TM4SF18: variants seen among roughly 807,000 people sequenced by gnomAD.
TM4SF18 encodes transmembrane 4 L6 family member 18.
A neutral mutation model predicts 23.8 loss-of-function variants in TM4SF18; 22 were observed. The ratio of observed to expected loss-of-function variants is 0.92; its 90% CI spans 0.66 to 1.32. TM4SF18 has a LOEUF of 1.32. TM4SF18 is among the 40% of genes most tolerant of loss of function. TM4SF18 has a pLI of 0.00. For synonymous variants in TM4SF18, 87 were observed against 87.9 expected (o/e 0.99, Z 0.06); for missense variants, 255 against 240.3 (o/e 1.06, Z -0.41).
chr3:149,322,099 T>G (rs1730819622), intron 5 of TM4SF18, among the ~76,000 whole-genome samples, 157 bp downstream of exon 5: 1 of 152,080 alleles, frequency 6.6e-6, no homozygotes, highest in African/African-American at 2.4e-5. Flanking sequence ...CATTGGGATA[T>G]CAGAAAAAAT....
rs1161807266 is a variant in TM4SF18 at position 149,333,531 on chromosome 3, C to T, written c.-36G>A. ...TACCTACCACTTCCAGGGTCAGAGCCCTTCACTTCATATTCATGAGGAGAC... is the reference window on the plus strand; with the variant it reads ...TACCTACCACTTCCAGGGTCAGAGCTCTTCACTTCATATTCATGAGGAGAC... On this transcript the variant is annotated 5_prime_UTR_variant, in exon 1 of 6. Transcript: ENST00000296059. 5.6e-6 allele frequency: 3 copies of T among 531,018 alleles called. No individual in the cohort carries two copies. Among genetic ancestry groups the T allele is most frequent in the Non-Finnish European group, 9.0e-6 (3 of 333,552 alleles). The allele number at this position is 531,018 out of a possible 1,614,324, so 32.9% of individuals were successfully genotyped here.
chr3:149,327,815 G>A (rs778301160), intron 3 of TM4SF18, among the ~76,000 whole-genome samples: 1 of 152,048 alleles, frequency 6.6e-6, no homozygotes, highest in Non-Finnish European at 1.5e-5. Context: ...TTCATTGGGG[G>A]AAACTGGCAG....
Position 149,322,289 on chromosome 3 carries a change from C to G in TM4SF18, c.558G>C (p.Lys186Asn), listed in dbSNP as rs756774004. 1 of 1,613,940 alleles carries G rather than the reference C, an allele frequency of 6.2e-7. No individual in the cohort carries two copies. The highest frequency in any genetic ancestry group is 8.5e-7 in the Non-Finnish European group (1 of 1,179,934). Residue 186 changes from lysine (K) to asparagine (N), a missense_variant, in exon 5 of 6, where the codon AAG becomes AAC. Physicochemically the swap from Lys to Asn is moderately conservative, Grantham distance 94 (BLOSUM62 0). Coordinates refer to ENST00000296059, the MANE Select transcript of TM4SF18 (RefSeq NM_138786.4). ...CLIRVVMQLSKILCGSYSVIF... is the reference protein window; with the variant it reads ...CLIRVVMQLSNILCGSYSVIF... ...TCACTGAATAGCTTCCACACAGTAT[C>G]TTGGATAGTTGCATGACTACTCTGA... is the stretch of plus-strand genomic sequence containing the variant.
In TM4SF18 at chr3:149,327,188, G is replaced by A. The variant is rs186815049; in HGVS notation, c.268-2166C>T. On this transcript the variant is annotated intron_variant, in intron 3 of 5. Coordinates refer to ENST00000296059, the MANE Select transcript of TM4SF18 (RefSeq NM_138786.4). ...TGCTCTCAAACTCCTGACCTCAGGG[G>A]ATCCACCTGCCTTGGCCTCCCAAAG... Among the ~76,000 whole-genome samples, 164 of 152,318 alleles carry A rather than the reference G, an allele frequency of 1.1e-3. 1 individual carries two copies. The highest frequency in any genetic ancestry group is 3.6e-3 in the African/African-American group (149 of 41,566).
intron 4 of TM4SF18, 96 bp from the exon 5 acceptor site, chr3:149,322,532 A>G (rs1730832909): frequency 1.0e-6 from 1 of 1,000,950 alleles, no homozygotes; most frequent in African/African-American, 1.6e-5. Flanking sequence ...ACTAAAATAT[A>G]TAGTTATTAG....
At chr3:149,325,123 A>G (rs2291602) in intron 3 of TM4SF18, 101 bp from the exon 4 acceptor site, 139,380 of 1,176,346 alleles carry the variant, frequency 0.12, 8,912 homozygotes, top group African/African-American at 0.19. Flanking sequence ...ACCCAAGCTC[A>G]TGCAGTCTAT....
intron 4 of TM4SF18, among the ~76,000 whole-genome samples, chr3:149,322,866 G>A (rs957423593): frequency 6.6e-6 from 1 of 150,548 alleles, no homozygotes. Context: ...TGGGTCTGCA[G>A]GATGTTGAGC....
chr3:149,333,115 A>C, intron 2 of TM4SF18, 91 bp downstream of exon 2: 1 of 1,251,984 alleles, frequency 8.0e-7, no homozygotes, highest in Non-Finnish European at 1.1e-6. Context: ...TAGCAGAATG[A>C]TTTTTCCATT....
chr3:149,323,172 A>G (rs1426780307), intron 4 of TM4SF18, among the ~76,000 whole-genome samples: 1 of 152,070 alleles, frequency 6.6e-6, no homozygotes, highest in Non-Finnish European at 1.5e-5. Flanking sequence ...TGCTGGGATT[A>G]CAGGCATGAG....
At chr3:149,333,055 A>AT in intron 2 of TM4SF18, 151 bp downstream of exon 2, 1 of 728,936 alleles carries the variant, frequency 1.4e-6, no homozygotes, top group Non-Finnish European at 2.2e-6. Context: ...ATGCCAGCAG[A>AT]TTACCTGCCC....
In TM4SF18 at chr3:149,320,970, G is replaced by C. The variant is rs957121341; in HGVS notation, c.*508C>G. The stretch of plus-strand genomic sequence containing the variant: ...AACATGAATTTGTAACCTGCTTTTT[G>C]ATGTAGCATTATTCATAATTTTAAA... On this transcript the variant is annotated 3_prime_UTR_variant, in exon 6 of 6. Coordinates refer to ENST00000296059, the MANE Select transcript of TM4SF18 (RefSeq NM_138786.4). 5.3e-5 allele frequency: 8 copies of C among 151,906 alleles called. No homozygotes were observed. The highest frequency in any genetic ancestry group is 1.9e-4 in the African/African-American group (8 of 41,362). The allele number at this position is 151,906 out of a possible 1,614,324, so 9.4% of individuals were successfully genotyped here.
intron 2 of TM4SF18, among the ~76,000 whole-genome samples, chr3:149,332,647 T>TTA (rs1286357423): frequency 6.6e-6 from 1 of 152,178 alleles, no homozygotes; most frequent in Non-Finnish European, 1.5e-5. Context: ...CCTGGGCACT[T>TTA]TATATATATT....
chr3:149,330,256 T>A, intron 3 of TM4SF18, 74 bp downstream of exon 3: 1 of 964,874 alleles, frequency 1.0e-6, no homozygotes, highest in Non-Finnish European at 1.6e-6. Flanking sequence ...ACTGTCAATA[T>A]TTTTGTGTTT....
At chr3:149,331,652 C>G (rs1444145276) in intron 2 of TM4SF18, among the ~76,000 whole-genome samples, 1 of 152,134 alleles carries the variant, frequency 6.6e-6, no homozygotes, top group Non-Finnish European at 1.5e-5. Flanking sequence ...GAGACACTGC[C>G]TTCTTTTTTT....
chr3:149,326,775 A>C (rs1730958641), intron 3 of TM4SF18, among the ~76,000 whole-genome samples: 1 of 152,212 alleles, frequency 6.6e-6, no homozygotes, highest in Non-Finnish European at 1.5e-5. Context: ...TTTTAGATGC[A>C]CAGATGGTCC....
chr3:149,321,578 TATATTTC>T, intron 5 of TM4SF18, 86 bp from the exon 6 acceptor site: 1 of 822,950 alleles, frequency 1.2e-6, no homozygotes, highest in South Asian at 1.9e-5. Context: ...AACTTAAACT[TATATTTC>T]ATATTCAAAA....
In TM4SF18 at chr3:149,320,181, A is replaced by G. The variant is rs1730773927; in HGVS notation, c.*1297T>C. On this transcript the variant is annotated 3_prime_UTR_variant, in exon 6 of 6. Coordinates refer to ENST00000296059, the MANE Select transcript of TM4SF18 (RefSeq NM_138786.4). ...TGTCCATGGAGGAGACAAATGGGGA[A>G]ATGGCAGAAGTGTTGAGGCCCAGTG... is the stretch of plus-strand genomic sequence containing the variant. 6.6e-6 allele frequency: 1 copy of G among 152,436 alleles called. No individual in the cohort carries two copies. Among genetic ancestry groups the G allele is most frequent in the Admixed American group, 6.5e-5 (1 of 15,284 alleles). The allele number at this position is 152,436 out of a possible 1,614,324, so 9.4% of individuals were successfully genotyped here. A position where few individuals can be genotyped will look rare whatever the true frequency, so the allele number is the denominator to read the frequency against.
At chr3:149,322,650 A>G (rs899313966) in intron 4 of TM4SF18, among the ~76,000 whole-genome samples, 2 of 152,134 alleles carry the variant, frequency 1.3e-5, no homozygotes, top group Non-Finnish European at 2.9e-5. Flanking sequence ...TGCTTGCCTT[A>G]TCACCCCCAT....
chr3:149,321,713 G>A (rs1351401773), intron 5 of TM4SF18, among the ~76,000 whole-genome samples: 1 of 152,138 alleles, frequency 6.6e-6, no homozygotes, highest in Non-Finnish European at 1.5e-5. Flanking sequence ...TGGACTTCTT[G>A]ATAGCAGTTT....
Sources: allele counts gnomAD v4.1 joint callset (sites outside exome capture counted in the v4.1 genomes callset), GRCh38; gene constraint gnomAD v4.1.1; transcripts MANE v1.5; gene names NCBI Gene and HGNC (gene_info 2026-07-23, HGNC 2026-07-21).